PCDHGB7: variants seen among roughly 807,000 people sequenced by gnomAD.
PCDHGB7 encodes the protein protocadherin gamma-B7.
A neutral mutation model predicts 61.4 loss-of-function variants in PCDHGB7; 37 were observed. The observed-to-expected ratio is 0.60, with a 90% CI of 0.46 to 0.79. PCDHGB7 has a LOEUF of 0.79. Among genes scored for constraint, PCDHGB7 ranks in the 30% least tolerant of loss-of-function variants. The probability of loss-of-function intolerance (pLI) is 0.00; values close to 1 mark genes in which losing one functional copy is unlikely to be tolerated. For missense variants in PCDHGB7, 1,166 were observed against 1,202.5 expected (o/e 0.97, Z 0.45); for synonymous variants, 464 against 503.5 (o/e 0.92, Z 1.05).
intron 1 of PCDHGB7, among the ~76,000 whole-genome samples, chr5:141,449,081 C>T (rs2098627623): frequency 6.6e-6 from 1 of 152,180 alleles, no homozygotes; most frequent in South Asian, 2.1e-4. Flanking sequence ...CCTGTACCTA[C>T]ATCAGTTTTT....
intron 1 of PCDHGB7, chr5:141,423,468 A>G (rs1474468597): frequency 6.2e-7 from 1 of 1,613,960 alleles, no homozygotes; most frequent in Admixed American, 1.7e-5. Flanking sequence ...TGGACGGGGT[A>G]CAGGCTTTCC....
At chr5:141,495,020 C>G in intron 2 of PCDHGB7, 155 bp downstream of exon 2, 1 of 976,790 alleles carries the variant, frequency 1.0e-6, no homozygotes, top group Non-Finnish European at 1.2e-6. Context: ...GGCTGGCACA[C>G]AGACCCCGGA....
intron 3 of PCDHGB7, among the ~76,000 whole-genome samples, chr5:141,507,918 G>C (rs1409126707): frequency 6.6e-6 from 1 of 152,208 alleles, no homozygotes; most frequent in Non-Finnish European, 1.5e-5. Flanking sequence ...CAGGCCTGTG[G>C]GGCTGCTGAG....
chr5:141,440,578 C>T (rs2098188646), intron 1 of PCDHGB7: 1 of 152,138 alleles, frequency 6.6e-6, no homozygotes, highest in Non-Finnish European at 1.5e-5. Flanking sequence ...CTGAGTTTAC[C>T]CAGCTGGAAC....
Position 141,418,103 on chromosome 5 carries a change from G to A in PCDHGB7, c.244G>A (p.Gly82Arg). ...GCACTTCAGCGTAGACGCGCAGAGC[G>A]GGGACTTACTTGTGAAGGACCGAAT... ...KLHFSVDAQS[G>R]DLLVKDRIDR... The change falls in exon 1 of 4, where the codon GGG becomes AGG. Residue 82 changes from glycine (G) to arginine (R), a missense_variant. Gly to Arg is a moderately radical substitution (Grantham distance 125, BLOSUM62 -2). Transcript: ENST00000398594. 1.2e-6 allele frequency: 2 copies of A among 1,614,076 alleles called. No homozygotes were observed. Among genetic ancestry groups the A allele is most frequent in the African/African-American group, 1.3e-5 (1 of 75,074 alleles).
At chr5:141,472,778 G>T (rs1244170163) in intron 1 of PCDHGB7, among the ~76,000 whole-genome samples, 1 of 151,878 alleles carries the variant, frequency 6.6e-6, no homozygotes, top group Non-Finnish European at 1.5e-5. Flanking sequence ...CTGAGGTTGG[G>T]AGTTCAAGAT....
At chr5:141,444,473 G>C (rs943971075) in intron 1 of PCDHGB7, among the ~76,000 whole-genome samples, 6 of 151,972 alleles carry the variant, frequency 3.9e-5, no homozygotes, top group South Asian at 2.1e-4. Flanking sequence ...GCCCGGTCGC[G>C]TACTGGATTT....
In PCDHGB7 at chr5:141,477,955, C is replaced by T. The variant is rs748233998; in HGVS notation, c.2416-16852C>T. The T allele has an allele frequency of 3.7e-6, 6 of 1,614,004 alleles. No homozygotes were observed. Among genetic ancestry groups the T allele is most frequent in the Admixed American group, 3.3e-5 (2 of 59,988 alleles). On this transcript the variant is annotated intron_variant, in intron 1 of 3. Transcript: ENST00000398594. This position sits in a 1 kb window ranked among gnomAD's most constrained non-coding sequence, Gnocchi z 4.9. ...GGCTCTCCTACAGTCTCTTGGGATCCCCTAACCAGAGCCTTTTTGCCATAG... is the reference window on the plus strand; with the variant it reads ...GGCTCTCCTACAGTCTCTTGGGATCTCCTAACCAGAGCCTTTTTGCCATAG...
At chr5:141,499,828 A>G (rs921957227) in intron 2 of PCDHGB7, among the ~76,000 whole-genome samples, 1 of 151,834 alleles carries the variant, frequency 6.6e-6, no homozygotes, top group Non-Finnish European at 1.5e-5. Context: ...CTAGGATTAC[A>G]GGTGTGCACC....
At position 141,512,951 on chromosome 5, in the gene PCDHGB7, AATAAT is replaced by A. The variant is rs1231390259; in HGVS notation, c.*1780_*1784del. 2.1e-5 allele frequency: 3 copies of A among 141,994 alleles called. No homozygotes were observed. Among genetic ancestry groups the A allele is most frequent in the Non-Finnish European group, 4.8e-5 (3 of 62,372 alleles). The allele number at this position is 141,994 out of a possible 1,614,324, so 8.8% of individuals were successfully genotyped here. A position where few individuals can be genotyped will look rare whatever the true frequency, so the allele number is the denominator to read the frequency against. On this transcript the variant is annotated 3_prime_UTR_variant, in exon 4 of 4. Coordinates refer to ENST00000398594, the MANE Select transcript of PCDHGB7 (RefSeq NM_018927.4). ...TATGGCTTTTTTTCTTCGACAAAAAAATAATAAAACGTTTCTTCTGAAAAGCTGAA... is the reference window on the plus strand; with the variant it reads ...TATGGCTTTTTTTCTTCGACAAAAAAAAAACGTTTCTTCTGAAAAGCTGAA...
At position 141,423,758 on chromosome 5, in the gene PCDHGB7, G is replaced by GC. The variant is rs1554116873; in HGVS notation, c.2415+3484_2415+3485insC. 1.7e-4 allele frequency: 62 copies of GC among 366,836 alleles called. 2 individuals are homozygous for GC. The highest frequency in any genetic ancestry group is 4.2e-4 in the Middle Eastern group (1 of 2,358). The allele number at this position is 366,836 out of a possible 1,614,324, so 22.7% of individuals were successfully genotyped here. Reference sequence around the variant, plus strand: ...CTGTTATGAAAACTGTTTGGGGGGGGGGTGGGGCGGCATATATTTAGTTCA... The same window carrying GC: ...CTGTTATGAAAACTGTTTGGGGGGGGCGGTGGGGCGGCATATATTTAGTTCA... On this transcript the variant is annotated intron_variant, in intron 1 of 3. Coordinates refer to ENST00000398594, the MANE Select transcript of PCDHGB7 (RefSeq NM_018927.4).
chr5:141,418,869 T>A lies in PCDHGB7; in HGVS notation c.1010T>A (p.Val337Asp), dbSNP rs1261615662. The stretch of plus-strand genomic sequence containing the variant: ...ACACGGTGTAAAGTAATTGTAGAAG[T>A]TGTAGACGAAAACGACAACAGCCCA... ...LSTRCKVIVE[V>D]VDENDNSPEI... The change falls in exon 1 of 4, where the codon GTT (valine) becomes GAT (aspartate). Residue 337 changes from valine (V) to aspartate (D), a missense_variant. By Grantham distance (152) the Val-to-Asp change is radical. Coordinates refer to ENST00000398594, the MANE Select transcript of PCDHGB7 (RefSeq NM_018927.4). 1 of 1,613,830 alleles carries A rather than the reference T, an allele frequency of 6.2e-7. No individual in the cohort carries two copies. The highest frequency in any genetic ancestry group is 8.5e-7 in the Non-Finnish European group (1 of 1,179,892).
intron 1 of PCDHGB7, chr5:141,422,576 CTCCCGTTTT>C: frequency 6.2e-7 from 1 of 1,614,034 alleles, no homozygotes; most frequent in African/African-American, 1.3e-5. Context: ...AACGATAACC[CTCCCGTTTT>C]TCCTCACTCC....
At chr5:141,423,745 C>A (rs561499055) in intron 1 of PCDHGB7, 2 of 605,688 alleles carry the variant, frequency 3.3e-6, no homozygotes, top group Non-Finnish European at 4.0e-6. Context: ...GTTATGAAAA[C>A]TGTTTGGGGG....
intron 2 of PCDHGB7, among the ~76,000 whole-genome samples, chr5:141,502,352 C>G (rs544911376): frequency 3.2e-4 from 49 of 151,888 alleles, no homozygotes; most frequent in African/African-American, 1.2e-3. Flanking sequence ...TTTTTAATGA[C>G]ATGGATATTT....
At chr5:141,468,774 G>A (rs1229480462) in intron 1 of PCDHGB7, among the ~76,000 whole-genome samples, 4 of 152,028 alleles carry the variant, frequency 2.6e-5, no homozygotes, top group Non-Finnish European at 4.4e-5. Flanking sequence ...GCTGAGGCAG[G>A]AGAATGGCGT....
At chr5:141,421,578 T>C in intron 1 of PCDHGB7, 4 of 1,613,886 alleles carry the variant, frequency 2.5e-6, no homozygotes, top group Non-Finnish European at 3.4e-6. Flanking sequence ...CCTTGAAGAT[T>C]TACGGAGTGG....
chr5:141,488,054 A>G (rs1255295788), intron 1 of PCDHGB7, among the ~76,000 whole-genome samples: 1 of 152,206 alleles, frequency 6.6e-6, no homozygotes, highest in Admixed American at 6.5e-5. Flanking sequence ...TTGAGGGGAA[A>G]TAAAATCTTT....
At chr5:141,423,936 G>A (rs2096792092) in intron 1 of PCDHGB7, 1 of 1,225,102 alleles carries the variant, frequency 8.2e-7, no homozygotes. Context: ...TTGGTTTGAA[G>A]TAAGTTGAAT....
Sources: allele counts gnomAD v4.1 joint callset (sites outside exome capture counted in the v4.1 genomes callset), GRCh38; gene constraint gnomAD v4.1.1; non-coding constraint Gnocchi (gnomAD v3.1); transcripts MANE v1.5; gene names NCBI Gene and HGNC (gene_info 2026-07-23, HGNC 2026-07-21).